The following ZNF408 variants were observed in gnomAD, a reference collection of about 807,000 sequenced individuals.
ZNF408 encodes PR domain zinc finger protein 17.
ZNF408 carries 24 observed loss-of-function variants against 27.6 expected under a neutral mutation model. The observed-to-expected ratio is 0.87, with a 90% confidence interval of 0.63 to 1.22. The LOEUF is 1.22. Among genes scored for constraint, ZNF408 ranks in the 50% most tolerant of loss-of-function variants. ZNF408 has a pLI of 0.00. For missense variants in ZNF408, 897 were observed against 949.0 expected (o/e 0.95, Z 0.72); for synonymous variants, 410 against 396.1 (o/e 1.04, Z -0.42).
At chr11:46,702,905 C>A in intron 3 of ZNF408, 79 bp from the exon 4 acceptor site, 1 of 1,599,106 alleles carries the variant, frequency 6.3e-7, no homozygotes, top group South Asian at 1.1e-5. Flanking sequence ...AGGACCCAGA[C>A]TGCTTGGGGA....
chr11:46,705,618 G>A lies in ZNF408; in HGVS notation c.1918G>A (p.Val640Met). The A allele has an allele frequency of 6.2e-7, 1 of 1,612,284 alleles. No homozygotes were observed. The highest frequency in any genetic ancestry group is 1.3e-5 in the African/African-American group (1 of 75,066). The change falls in exon 5 of 5, where the codon GTG becomes ATG. Residue 640 changes from valine (V) to methionine (M), a missense_variant. Coordinates refer to ENST00000311764, the MANE Select transcript of ZNF408 (RefSeq NM_024741.3). This position sits in a 1 kb window ranked among gnomAD's most constrained non-coding sequence, Gnocchi z 6.5. ...RPEAPCSPPS[V>M]PSAASEPTVV... The stretch of plus-strand genomic sequence containing the variant: ...TGAGGCACCCTGCAGCCCACCCTCT[G>A]TGCCTTCTGCTGCTTCTGAGCCCAC...
At chr11:46,704,208 C>G (rs2064732826) in intron 4 of ZNF408, 145 bp from the exon 5 acceptor site, 4 of 824,848 alleles carry the variant, frequency 4.8e-6, no homozygotes, top group Non-Finnish European at 5.5e-6. Context: ...GAGTGTGCAC[C>G]CCATGCTCCA....
intron 4 of ZNF408, 61 bp downstream of exon 4, chr11:46,703,304 A>T (rs1046684708): frequency 6.5e-7 from 1 of 1,542,778 alleles, no homozygotes; most frequent in Non-Finnish European, 8.7e-7. Context: ...CCTGTTGATA[A>T]GACAAAGCAG....
chr11:46,705,728 C>T lies in ZNF408; in HGVS notation c.2028C>T (p.Val676=). Residue 676 remains valine (V), a synonymous_variant, in exon 5 of 5, where the codon GTC becomes GTT. Coordinates refer to ENST00000311764, the MANE Select transcript of ZNF408 (RefSeq NM_024741.3). This position sits in a 1 kb window ranked among gnomAD's most constrained non-coding sequence, Gnocchi z 6.5. ...EVSPARDVVE[V]TISESQEKCF... Reference sequence around the variant, plus strand: ...CCCCCGCCAGGGATGTTGTTGAGGTCACCATTTCAGAAAGCCAGGAGAAGT... The same window carrying T: ...CCCCCGCCAGGGATGTTGTTGAGGTTACCATTTCAGAAAGCCAGGAGAAGT... 1 of 1,612,768 alleles carries T rather than the reference C, an allele frequency of 6.2e-7. No individual in the cohort carries two copies. The highest frequency in any genetic ancestry group is 8.5e-7 in the Non-Finnish European group (1 of 1,179,488).
At chr11:46,703,705 G>A (rs1313062990) in intron 4 of ZNF408, among the ~76,000 whole-genome samples, 1 of 151,368 alleles carries the variant, frequency 6.6e-6, no homozygotes, top group Non-Finnish European at 1.5e-5. Flanking sequence ...TATTACAGAT[G>A]AGCTAAGGTG....
In ZNF408 at chr11:46,704,851, C is replaced by T; in HGVS notation, c.1151C>T (p.Thr384Ile). The T allele has an allele frequency of 6.2e-7, 1 of 1,601,714 alleles. No individual in the cohort carries two copies. The highest frequency in any genetic ancestry group is 8.5e-7 in the Non-Finnish European group (1 of 1,173,654). ...ACGGGCCACAAGCCCTTTCTTTGCACTGAGTGTGGCAAGAGCTATAGCTCA... is the reference window on the plus strand; with the variant it reads ...ACGGGCCACAAGCCCTTTCTTTGCATTGAGTGTGGCAAGAGCTATAGCTCA... ...VHTGHKPFLC[T>I]ECGKSYSSEE... is the part of the protein sequence containing the mutation. The change falls in exon 5 of 5, where the codon ACT becomes ATT. Residue 384 changes from threonine (T) to isoleucine (I), a missense_variant. Thr to Ile is a moderately conservative substitution (Grantham distance 89, BLOSUM62 -1). Coordinates refer to ENST00000311764, the MANE Select transcript of ZNF408 (RefSeq NM_024741.3).
At chr11:46,701,706 C>T (rs1414239728) in intron 2 of ZNF408, 30 bp downstream of exon 2, 3 of 1,499,222 alleles carry the variant, frequency 2.0e-6, no homozygotes, top group Non-Finnish European at 2.7e-6. Flanking sequence ...CTTCCCTCCG[C>T]CCTTGAAAAT....
intron 4 of ZNF408, 143 bp from the exon 5 acceptor site, chr11:46,704,210 C>T (rs2064732842): frequency 2.4e-6 from 2 of 847,206 alleles, no homozygotes; most frequent in East Asian, 5.4e-5. Context: ...GTGTGCACCC[C>T]ATGCTCCAGG....
In ZNF408 at chr11:46,705,551, C is replaced by T; in HGVS notation, c.1851C>T (p.Thr617=). 1 of 1,605,326 alleles carries T rather than the reference C, an allele frequency of 6.2e-7. No individual in the cohort carries two copies. The highest frequency in any genetic ancestry group is 8.5e-7 in the Non-Finnish European group (1 of 1,179,958). The change falls in exon 5 of 5, where the codon ACC becomes ACT. Residue 617 remains threonine (T), a synonymous_variant. Transcript: ENST00000311764. This position sits in a 1 kb window ranked among gnomAD's most constrained non-coding sequence, Gnocchi z 6.5. ...GCCCCACCTGTGGCATGGGCTACAC[C>T]CTCCCGCAGAGCCTCAGGCGGCATC... is the stretch of plus-strand genomic sequence containing the variant. The part of the protein sequence containing the change: ...YRCPTCGMGY[T]LPQSLRRHQL...
intron 4 of ZNF408, 71 bp downstream of exon 4, chr11:46,703,314 G>A: frequency 6.6e-7 from 1 of 1,525,252 alleles, no homozygotes; most frequent in South Asian, 1.3e-5. Context: ...AGACAAAGCA[G>A]AGTTTATGGC....
chr11:46,705,552 C>T lies in ZNF408; in HGVS notation c.1852C>T (p.Leu618Phe). Reference protein sequence around the residue: ...RCPTCGMGYTLPQSLRRHQLS... With the variant: ...RCPTCGMGYTFPQSLRRHQLS... ...CCCCACCTGTGGCATGGGCTACACC[C>T]TCCCGCAGAGCCTCAGGCGGCATCA... Residue 618 changes from leucine to phenylalanine, a missense_variant, in exon 5 of 5, where the codon CTC becomes TTC. Leu to Phe is a conservative substitution (Grantham distance 22). Coordinates refer to ENST00000311764, the MANE Select transcript of ZNF408 (RefSeq NM_024741.3). This position sits in a 1 kb window ranked among gnomAD's most constrained non-coding sequence, Gnocchi z 6.5. The T allele has an allele frequency of 6.2e-7, 1 of 1,605,388 alleles. No individual in the cohort carries two copies. Among genetic ancestry groups the T allele is most frequent in the East Asian group, 2.2e-5 (1 of 44,880 alleles).
chr11:46,703,761 G>GTTTTTTTTT (rs1489418102), intron 4 of ZNF408, among the ~76,000 whole-genome samples: 1 of 80,170 alleles, frequency 1.2e-5, no homozygotes, highest in Non-Finnish European at 2.5e-5. Flanking sequence ...TGTTGTTGTT[G>GTTTTTTTTT]TTGTTGTTGT....
chr11:46,701,857 G>C, intron 2 of ZNF408, 181 bp downstream of exon 2: 4 of 787,882 alleles, frequency 5.1e-6, no homozygotes, highest in Non-Finnish European at 7.4e-6. Flanking sequence ...GGTTTGAAAA[G>C]TTGTTGAAAG....
chr11:46,703,264 G>T (rs1445624473), intron 4 of ZNF408, 21 bp downstream of exon 4: 3 of 1,593,606 alleles, frequency 1.9e-6, no homozygotes, highest in Non-Finnish European at 2.6e-6. Flanking sequence ...AATAAATGCT[G>T]GTTTCCCAGC....
At chr11:46,701,369 C>A (rs1383999753) in intron 1 of ZNF408, 30 bp from the exon 2 acceptor site, 1 of 1,605,502 alleles carries the variant, frequency 6.2e-7, no homozygotes, top group Admixed American at 1.7e-5. Context: ...TCTTGGGTGG[C>A]TCCCTCACTG....
Position 46,702,691 on chromosome 11 carries a change from T to G in ZNF408, c.331-13T>G. 1 of 1,613,048 alleles carries G rather than the reference T, an allele frequency of 6.2e-7. No homozygotes were observed. The highest frequency in any genetic ancestry group is 8.5e-7 in the Non-Finnish European group (1 of 1,179,108). ...GAACACATTTGAGAAGGACTTTTGT[T>G]GGTTTATTTCAGAACCTGTCATTAG... On this transcript the variant is annotated splice_polypyrimidine_tract_variant and intron_variant, in intron 2 of 4. Transcript: ENST00000311764.
In ZNF408 at chr11:46,703,302, T is replaced by C. The variant is rs1014216106; in HGVS notation, c.652+59T>C. The stretch of plus-strand genomic sequence containing the variant: ...TTTCCCCACCAAAACAACCTGTTGA[T>C]AAGACAAAGCAGAGTTTATGGCTCA... On this transcript the variant is annotated intron_variant, in intron 4 of 4. Coordinates refer to ENST00000311764, the MANE Select transcript of ZNF408 (RefSeq NM_024741.3). The C allele has an allele frequency of 2.6e-6, 4 of 1,551,722 alleles. No individual in the cohort carries two copies. In the African/African-American group the frequency reaches 5.4e-5, roughly 21 times the overall value.
At chr11:46,702,560 C>T (rs751894866) in intron 2 of ZNF408, 144 bp from the exon 3 acceptor site, 1 of 760,984 alleles carries the variant, frequency 1.3e-6, no homozygotes, top group Non-Finnish European at 2.2e-6. Context: ...ACAGCACTGT[C>T]CTGTTAGAGG....
At position 46,704,453 on chromosome 11, in the gene ZNF408, A is replaced by G. The variant is rs1270026996; in HGVS notation, c.753A>G (p.Pro251=). 1 of 1,614,120 alleles carries G rather than the reference A, an allele frequency of 6.2e-7. No individual in the cohort carries two copies. Among genetic ancestry groups the G allele is most frequent in the East Asian group, 2.2e-5 (1 of 44,888 alleles). The change falls in exon 5 of 5, where the codon CCA becomes CCG. Residue 251 remains proline (P), a synonymous_variant. Coordinates refer to ENST00000311764, the MANE Select transcript of ZNF408 (RefSeq NM_024741.3). ...TQDRISKDSQ[P]LGPLLQDGDV... ...ACCGAATTTCCAAGGATAGCCAGCC[A>G]CTTGGCCCATTGCTTCAGGATGGCG...
Sources: allele counts gnomAD v4.1 joint callset (sites outside exome capture counted in the v4.1 genomes callset), GRCh38; gene constraint gnomAD v4.1.1; non-coding constraint Gnocchi (gnomAD v3.1); transcripts MANE v1.5; gene names NCBI Gene and HGNC (gene_info 2026-07-23, HGNC 2026-07-21).